CTPS1: variants seen among roughly 807,000 people sequenced by gnomAD.
The protein encoded by CTPS1 is CTP synthase 1.
In CTPS1, 25 loss-of-function variants were observed where a neutral mutation model predicts 80.5. The ratio of observed to expected loss-of-function variants is 0.31; its 90% CI spans 0.23 to 0.43. CTPS1 has a LOEUF of 0.43. Ranked by LOEUF, CTPS1 falls within the 20% of genes least tolerant of loss-of-function variation. The pLI is 1.00. For synonymous variants in CTPS1, 267 were observed against 252.5 expected (o/e 1.06, Z -0.54); for missense variants, 442 against 725.7 (o/e 0.61, Z 4.49).
At chr1:40,985,035 T>A in intron 3 of CTPS1, 44 bp downstream of exon 3, 1 of 1,404,780 alleles carries the variant, frequency 7.1e-7, no homozygotes, top group African/African-American at 1.4e-5. Context: ...CTTAACCAGT[T>A]TAATTTCTTC....
chr1:40,984,922 A>G lies in CTPS1; in HGVS notation c.268A>G (p.Thr90Ala). 1 of 1,607,706 alleles carries G rather than the reference A, an allele frequency of 6.2e-7. No individual in the cohort carries two copies. The highest frequency in any genetic ancestry group is 8.5e-7 in the Non-Finnish European group (1 of 1,175,680). Residue 90 changes from threonine (T) to alanine (A), a missense_variant, in exon 3 of 19, where the codon ACT becomes GCT. By Grantham distance (58) the Thr-to-Ala change is moderately conservative. Around this residue, in one of 4 missense-constraint regions of CTPS1, gnomAD observed 69 missense variants for 102.1 expected, o/e 0.68. Coordinates refer to ENST00000650070, the MANE Select transcript of CTPS1 (RefSeq NM_001905.4). ...IRLTKDNNLT[T>A]GKIYQYVINK... is the part of the protein sequence containing the mutation. ...CCTCACCAAGGACAATAATCTGACC[A>G]CTGGAAAGATATACCAGTATGTCAT...
At chr1:40,997,273 A>T in intron 8 of CTPS1, 121 bp from the exon 9 acceptor site, 1 of 1,210,506 alleles carries the variant, frequency 8.3e-7, no homozygotes, top group Non-Finnish European at 1.2e-6. Flanking sequence ...GGATTATAGG[A>T]TTATGGGCGT....
At chr1:40,991,044 A>G (rs1642594923) in intron 5 of CTPS1, 121 bp from the exon 6 acceptor site, 3 of 718,984 alleles carry the variant, frequency 4.2e-6, no homozygotes, top group Admixed American at 3.1e-5. Context: ...CATAAAAGCT[A>G]AATTACACAA....
chr1:41,009,159 C>T (rs986374575), intron 16 of CTPS1, among the ~76,000 whole-genome samples: 1 of 152,130 alleles, frequency 6.6e-6, no homozygotes, highest in Admixed American at 6.6e-5. Context: ...CCACTTCAGC[C>T]CTCTCCTGAA....
At chr1:41,008,510 A>G in intron 14 of CTPS1, 149 bp from the exon 15 acceptor site, 1 of 736,526 alleles carries the variant, frequency 1.4e-6, no homozygotes. Flanking sequence ...TGTTGTTAAG[A>G]GCAGGTGACC....
At chr1:40,992,814 T>G (rs1398995544) in intron 7 of CTPS1, among the ~76,000 whole-genome samples, 1 of 151,378 alleles carries the variant, frequency 6.6e-6, no homozygotes, top group Non-Finnish European at 1.5e-5. Flanking sequence ...CTACCTCAGC[T>G]TCCCGAGTAG....
chr1:40,979,717 C>G lies in CTPS1; in HGVS notation c.-126C>G, dbSNP rs139807346. 6.6e-6 allele frequency: 1 copy of G among 152,312 alleles called. No individual in the cohort carries two copies. Among genetic ancestry groups the G allele is most frequent in the African/African-American group, 2.4e-5 (1 of 41,444 alleles). The allele number at this position is 152,312 out of a possible 1,614,324, so 9.4% of individuals were successfully genotyped here. A position where few individuals can be genotyped will look rare whatever the true frequency, so the allele number is the denominator to read the frequency against. ...GTGCGCACAGCCTAGAGCCCGCCTC[C>G]GTGAAAGACTGCCGGGCGCATGCGG... On this transcript the variant is annotated 5_prime_UTR_variant, in exon 1 of 19. Transcript: ENST00000650070.
rs375916121 is a variant in CTPS1 at position 40,992,651 on chromosome 1, T to C, written c.720+806T>C. Among the ~76,000 whole-genome samples, 10 of 152,008 alleles carry C rather than the reference T, an allele frequency of 6.6e-5. No individual in the cohort carries two copies. The East Asian group carries it at 1.9e-3, about 29-fold the overall frequency. On this transcript the variant is annotated intron_variant, in intron 7 of 18. Transcript: ENST00000650070. ...AGCAAGTGAAGGAAATTCAATTCTG[T>C]AGCAGAATAGGTTGTCATTAAAATT...
At chr1:40,994,649 G>A (rs1366599976) in intron 7 of CTPS1, among the ~76,000 whole-genome samples, 1 of 152,030 alleles carries the variant, frequency 6.6e-6, no homozygotes, top group African/African-American at 2.4e-5. Context: ...AGTGGCAACC[G>A]CTTCTTGTTT....
rs201219284 is a variant in CTPS1 at position 40,997,567 on chromosome 1, G to A, written c.1005+41G>A. The A allele has an allele frequency of 3.8e-4, 602 of 1,604,556 alleles. 1 individual carries two copies. Among genetic ancestry groups the A allele is most frequent in the Non-Finnish European group, 4.9e-4 (580 of 1,175,800 alleles). ...CAGGTACAGCCAAAGGATGAGCAGGGAAGCAGTCTGTAGTCTCGTAGGTGC... is the reference window on the plus strand; with the variant it reads ...CAGGTACAGCCAAAGGATGAGCAGGAAAGCAGTCTGTAGTCTCGTAGGTGC... On this transcript the variant is annotated intron_variant, in intron 9 of 18. Transcript: ENST00000650070.
chr1:40,996,147 G>A, intron 8 of CTPS1, 79 bp downstream of exon 8: 1 of 1,519,132 alleles, frequency 6.6e-7, no homozygotes, highest in African/African-American at 1.4e-5. Flanking sequence ...TCTAGCCCTA[G>A]CACTTTTGTA....
At chr1:40,984,637 C>T (rs1642405880) in intron 2 of CTPS1, among the ~76,000 whole-genome samples, 184 bp from the exon 3 acceptor site, 1 of 152,100 alleles carries the variant, frequency 6.6e-6, no homozygotes, top group South Asian at 2.1e-4. Context: ...ATGAGGTTAC[C>T]TTTTAGAGAA....
At chr1:40,991,306 C>G (rs910938319) in intron 6 of CTPS1, 58 bp downstream of exon 6, 68 of 1,300,752 alleles carry the variant, frequency 5.2e-5, no homozygotes, top group Non-Finnish European at 7.3e-5. Flanking sequence ...TAAGATCACT[C>G]TATCATGACA....
At chr1:41,009,216 G>A (rs1018284441) in intron 16 of CTPS1, among the ~76,000 whole-genome samples, 6 of 152,170 alleles carry the variant, frequency 3.9e-5, no homozygotes, top group Non-Finnish European at 7.3e-5. Context: ...GGTCTTGGGC[G>A]GGACCCTGGA....
rs1331240149 is a variant in CTPS1 at position 40,988,718 on chromosome 1, A to C, written c.555+8A>C. On this transcript the variant is annotated splice_region_variant and intron_variant, in intron 5 of 18. Coordinates refer to ENST00000650070, the MANE Select transcript of CTPS1 (RefSeq NM_001905.4). Reference sequence around the variant, plus strand: ...GTCAGTCTAGTTCCCCAGGTAAGTAAGACATTGAAAGTTTTACTTTGGGGG... The same window carrying C: ...GTCAGTCTAGTTCCCCAGGTAAGTACGACATTGAAAGTTTTACTTTGGGGG... 6.3e-7 allele frequency: 1 copy of C among 1,579,296 alleles called. No individual in the cohort carries two copies. The highest frequency in any genetic ancestry group is 1.3e-5 in the African/African-American group (1 of 74,406).
At chr1:41,008,736 T>TA in intron 15 of CTPS1, 22 bp downstream of exon 15, 1 of 1,614,018 alleles carries the variant, frequency 6.2e-7, no homozygotes, top group South Asian at 1.1e-5. Flanking sequence ...AGCTTGCTGG[T>TA]ACTCTGGAAA....
At chr1:40,999,026 A>G (rs1023351281) in intron 9 of CTPS1, among the ~76,000 whole-genome samples, 3 of 152,192 alleles carry the variant, frequency 2.0e-5, no homozygotes, top group Non-Finnish European at 4.4e-5. Flanking sequence ...GAGATGGATG[A>G]AAAGGCAACG....
chr1:40,984,761 A>C, intron 2 of CTPS1, 60 bp from the exon 3 acceptor site: 3 of 1,263,280 alleles, frequency 2.4e-6, no homozygotes, highest in Non-Finnish European at 3.2e-6. Flanking sequence ...TCAGGATTGC[A>C]GTTGTGCCAT....
At chr1:41,000,544 C>T (rs752797354) in intron 9 of CTPS1, among the ~76,000 whole-genome samples, 17 of 152,166 alleles carry the variant, frequency 1.1e-4, no homozygotes, top group South Asian at 2.1e-4. Context: ...TGAGCCACCA[C>T]GCCCGGCTCA....
Sources: allele counts gnomAD v4.1 joint callset (sites outside exome capture counted in the v4.1 genomes callset), GRCh38; gene constraint gnomAD v4.1.1; regional missense constraint gnomAD v4.1.1; transcripts MANE v1.5; gene names NCBI Gene and HGNC (gene_info 2026-07-23, HGNC 2026-07-21).